Variants in LEO1 observed in about 807,000 individuals in gnomAD.
LEO1 encodes the protein LEO1 component of Paf1/RNA polymerase II complex.
LEO1 carries 34 observed loss-of-function variants against 80.4 expected under a neutral mutation model. The ratio of observed to expected loss-of-function variants is 0.42; its 90% confidence interval spans 0.32 to 0.56. The LOEUF is 0.56. Among genes scored for constraint, LEO1 ranks in the 20% least tolerant of loss-of-function variants. The probability of loss-of-function intolerance (pLI) is 0.10; values close to 1 mark genes in which losing one functional copy is unlikely to be tolerated. For synonymous variants in LEO1, 262 were observed against 274.9 expected (o/e 0.95, Z 0.46); for missense variants, 631 against 814.2 (o/e 0.77, Z 2.74).
rs1187343589 is a variant in LEO1 at position 51,966,470 on chromosome 15, T to G, written c.93A>C (p.Gln31His). The G allele has an allele frequency of 6.2e-7, 1 of 1,611,334 alleles. No individual in the cohort carries two copies. Among genetic ancestry groups the G allele is most frequent in the Non-Finnish European group, 8.5e-7 (1 of 1,178,098 alleles). The change falls in exon 2 of 12, where the codon CAA becomes CAC. Residue 31 changes from glutamine (Q) to histidine (H), a missense_variant. By Grantham distance (24) the Gln-to-His change is conservative. Transcript: ENST00000299601. ...SDSGSDSDSD[Q>H]ENAASGSNAS... ...CATTACTGCCAGAGGCAGCATTCTC[T>G]TGATCAGAATCTGAGTCAGATCCAG...
At chr15:51,957,497 G>A (rs921215043) in intron 6 of LEO1, among the ~76,000 whole-genome samples, 1 of 152,152 alleles carries the variant, frequency 6.6e-6, no homozygotes, top group Non-Finnish European at 1.5e-5. Context: ...TCTGTTGACT[G>A]TGTGATCTTG....
intron 10 of LEO1, 28 bp from the exon 11 acceptor site, chr15:51,947,417 C>T (rs2056911413): frequency 2.0e-6 from 3 of 1,496,542 alleles, no homozygotes; most frequent in East Asian, 4.5e-5. Flanking sequence ...GATTGTGAGT[C>T]ACCTTTTTTT....
At chr15:51,970,162 A>G (rs2057111343) in intron 1 of LEO1, among the ~76,000 whole-genome samples, 1 of 152,176 alleles carries the variant, frequency 6.6e-6, no homozygotes, top group African/African-American at 2.4e-5. Flanking sequence ...ACATGAATTT[A>G]TTTATTTTTT....
At chr15:51,944,231 G>A (rs1160073826) in intron 11 of LEO1, among the ~76,000 whole-genome samples, 2 of 152,148 alleles carry the variant, frequency 1.3e-5, no homozygotes, top group Non-Finnish European at 2.9e-5. Context: ...TCACATGCAA[G>A]GGAATCTCAA....
At chr15:51,946,548 T>G (rs2056903018) in intron 11 of LEO1, among the ~76,000 whole-genome samples, 1 of 151,876 alleles carries the variant, frequency 6.6e-6, no homozygotes, top group Non-Finnish European at 1.5e-5. Flanking sequence ...AACATAAGAA[T>G]GAAATCATTT....
chr15:51,967,085 C>T (rs569920902), intron 1 of LEO1, among the ~76,000 whole-genome samples: 8 of 152,180 alleles, frequency 5.3e-5, no homozygotes, highest in East Asian at 3.9e-4. Context: ...GAGAAAGGAA[C>T]GGAGTCTAGA....
At chr15:51,954,701 G>GA (rs2056974791) in intron 6 of LEO1, 126 bp from the exon 7 acceptor site, 1 of 665,214 alleles carries the variant, frequency 1.5e-6, no homozygotes. Flanking sequence ...TGTGGCAGGA[G>GA]AATGAACAAC....
rs769478724 is a variant in LEO1, at chr15:51,965,870, A to C, written c.693T>G (p.Asp231Glu). Residue 231 changes from aspartate (D) to glutamate (E), a missense_variant, in exon 2 of 12, where the codon GAT becomes GAG. Around this residue, in one of 4 missense-constraint regions of LEO1, gnomAD observed 394 missense variants for 395.6 expected, o/e 1.00. Coordinates refer to ENST00000299601, the MANE Select transcript of LEO1 (RefSeq NM_138792.4). ...DNDDEKQNSDDEEQPQLSDEE... is the reference protein window; with the variant it reads ...DNDDEKQNSDEEEQPQLSDEE... ...CATCAGACAGCTGTGGTTGTTCTTC[A>C]TCATCAGAATTCTGTTTCTCATCAT... The C allele has an allele frequency of 3.1e-6, 5 of 1,614,066 alleles. No individual in the cohort carries two copies. Among genetic ancestry groups the C allele is most frequent in the Non-Finnish European group, 3.4e-6 (4 of 1,179,970 alleles).
At position 51,970,135 on chromosome 15, in the gene LEO1, C is replaced by G. The variant is rs149036011; in HGVS notation, c.58+1553G>C. 1.1e-3 allele frequency among the ~76,000 whole-genome samples: 168 copies of G among 152,220 alleles called. 1 individual carries two copies. Among genetic ancestry groups the G allele is most frequent in the African/African-American group, 4.0e-3 (165 of 41,550 alleles). ...AATACCCTCCTCCCAAAATTAAAAA[C>G]AGGCACCCAAACATGTACATGAATT... is the stretch of plus-strand genomic sequence containing the variant. On this transcript the variant is annotated intron_variant, in intron 1 of 11. Transcript: ENST00000299601.
At chr15:51,964,178 C>T (rs1335765069) in intron 2 of LEO1, among the ~76,000 whole-genome samples, 6 of 151,700 alleles carry the variant, frequency 4.0e-5, no homozygotes, top group African/African-American at 1.5e-4. Flanking sequence ...TACACTCCAG[C>T]CTGGGAGACA....
chr15:51,950,406 C>T (rs1417282943), intron 9 of LEO1, among the ~76,000 whole-genome samples: 1 of 152,222 alleles, frequency 6.6e-6, no homozygotes, highest in Admixed American at 6.5e-5. Context: ...TGATCTGCCC[C>T]AGCTCTACCA....
intron 8 of LEO1, 104 bp downstream of exon 8, chr15:51,953,025 A>T: frequency 1.1e-6 from 1 of 908,628 alleles, no homozygotes; most frequent in Non-Finnish European, 1.7e-6. Context: ...TTCTTGCTGA[A>T]TCATACCGTG....
intron 11 of LEO1, among the ~76,000 whole-genome samples, chr15:51,946,267 G>A (rs2141749132): frequency 6.6e-6 from 1 of 152,170 alleles, no homozygotes; most frequent in Admixed American, 6.5e-5. Context: ...TCGGCTCACT[G>A]CAACTTCCAC....
intron 6 of LEO1, among the ~76,000 whole-genome samples, chr15:51,955,969 TAACTC>T (rs1186289468): frequency 3.3e-5 from 5 of 152,342 alleles, no homozygotes; most frequent in Non-Finnish European, 5.9e-5. Context: ...AAAAGATTGT[TAACTC>T]GACAACTGTT....
intron 10 of LEO1, among the ~76,000 whole-genome samples, chr15:51,947,768 T>G (rs2056914572): frequency 6.6e-6 from 1 of 152,206 alleles, no homozygotes; most frequent in African/African-American, 2.4e-5. Flanking sequence ...TCTTAAATGT[T>G]TTCTTCTGAT....
In LEO1 at chr15:51,947,289, T is replaced by C. The variant is rs750989342; in HGVS notation, c.1896+3A>G. On this transcript the variant is annotated splice_donor_region_variant and intron_variant, in intron 11 of 11. Transcript: ENST00000299601. ...CCCTAGAATTGAATAAATTTGGTCTTACCTCATCACTGGTAAGTTTCTTTG... is the reference window on the plus strand; with the variant it reads ...CCCTAGAATTGAATAAATTTGGTCTCACCTCATCACTGGTAAGTTTCTTTG... 12 of 1,602,100 alleles carry C rather than the reference T, an allele frequency of 7.5e-6. No individual in the cohort carries two copies. The Admixed American group carries it at 1.3e-4, about 18-fold the overall frequency.
Position 51,966,509 on chromosome 15 carries a change from G to A in LEO1, c.59-5C>T. ...AGTCAGATCCAGAATCAGAATCTAT[G>A]GGGTCATATAAACATAGGATAACAT... On this transcript the variant is annotated splice_region_variant and splice_polypyrimidine_tract_variant and intron_variant, in intron 1 of 11. Coordinates refer to ENST00000299601, the MANE Select transcript of LEO1 (RefSeq NM_138792.4). 1 of 1,519,572 alleles carries A rather than the reference G, an allele frequency of 6.6e-7. No individual in the cohort carries two copies. The highest frequency in any genetic ancestry group is 9.1e-7 in the Non-Finnish European group (1 of 1,100,430). 94.1% of individuals were successfully genotyped at this position (1,519,572 alleles called of 1,614,324 possible).
intron 11 of LEO1, among the ~76,000 whole-genome samples, chr15:51,946,258 C>T (rs899309292): frequency 4.6e-5 from 7 of 152,176 alleles, no homozygotes; most frequent in Admixed American, 1.3e-4. Flanking sequence ...GGCGCGATCT[C>T]GGCTCACTGC....
At chr15:51,945,772 C>T (rs1460112831) in intron 11 of LEO1, among the ~76,000 whole-genome samples, 2 of 152,124 alleles carry the variant, frequency 1.3e-5, no homozygotes, top group African/African-American at 2.4e-5. Flanking sequence ...CACTGGCTCA[C>T]GCCTGTAATC....
Sources: allele counts gnomAD v4.1 joint callset (sites outside exome capture counted in the v4.1 genomes callset), GRCh38; gene constraint gnomAD v4.1.1; regional missense constraint gnomAD v4.1.1; transcripts MANE v1.5; gene names NCBI Gene and HGNC (gene_info 2026-07-23, HGNC 2026-07-21).